The following SPDYA variants were observed in gnomAD, a reference collection of about 807,000 sequenced individuals.
SPDYA encodes speedy/RINGO cell cycle regulator family member A, also known as speedy protein A.
SPDYA carries 11 observed loss-of-function variants against 36.7 expected under a neutral mutation model. The observed-to-expected ratio is 0.30, with a 90% CI of 0.19 to 0.50. SPDYA has a LOEUF of 0.50. Among genes scored for constraint, SPDYA ranks in the 20% least tolerant of loss-of-function variants. SPDYA has a pLI of 0.98. For synonymous variants in SPDYA, 115 were observed against 118.7 expected (o/e 0.97, Z 0.20); for missense variants, 287 against 370.9 (o/e 0.77, Z 1.86).
intron 6 of SPDYA, among the ~76,000 whole-genome samples, chr2:28,832,161 T>G (rs1415680193): frequency 6.6e-6 from 1 of 152,132 alleles, no homozygotes. Context: ...TGTTTGAACC[T>G]GTTATATAAA....
intron 7 of SPDYA, among the ~76,000 whole-genome samples, chr2:28,843,170 A>T (rs1015976162): frequency 1.8e-4 from 28 of 152,212 alleles, no homozygotes; most frequent in African/African-American, 6.8e-4. Flanking sequence ...TTCAAATAAA[A>T]GTTTTAGATA....
Position 28,850,159 on chromosome 2 carries a change from AT to A in SPDYA, c.*223del. On this transcript the variant is annotated 3_prime_UTR_variant, in exon 8 of 8. Coordinates refer to ENST00000334056, the MANE Select transcript of SPDYA (RefSeq NM_182756.4). ...TTTCAATATAAAGTTCTATTTTGAT[AT>A]TTTTCCATCTTCAAGTCAGTTACTG... is the stretch of plus-strand genomic sequence containing the variant. 1.3e-6 allele frequency: 2 copies of A among 1,572,844 alleles called. No individual in the cohort carries two copies. The highest frequency in any genetic ancestry group is 1.8e-5 in the Admixed American group (1 of 56,184).
intron 7 of SPDYA, among the ~76,000 whole-genome samples, chr2:28,845,941 C>T (rs1668862888): frequency 6.6e-6 from 1 of 152,206 alleles, no homozygotes; most frequent in Non-Finnish European, 1.5e-5. Context: ...CTCATAGACA[C>T]CACTAACAGA....
At chr2:28,812,113 T>TAAG (rs1667861624) in intron 1 of SPDYA, among the ~76,000 whole-genome samples, 1 of 152,242 alleles carries the variant, frequency 6.6e-6, no homozygotes, top group Non-Finnish European at 1.5e-5. Context: ...CTTTGGGAAA[T>TAAG]TTCTTAACTT....
intron 5 of SPDYA, 101 bp from the exon 6 acceptor site, chr2:28,829,047 C>T: frequency 1.0e-6 from 1 of 967,150 alleles, no homozygotes; most frequent in Non-Finnish European, 1.5e-6. Flanking sequence ...CGTTGAACAC[C>T]TTTCATGTGT....
intron 6 of SPDYA, among the ~76,000 whole-genome samples, chr2:28,831,594 C>T (rs1359909761): frequency 6.6e-6 from 1 of 152,038 alleles, no homozygotes; most frequent in Non-Finnish European, 1.5e-5. Context: ...TTCTGTAGCA[C>T]TGAATAAAAT....
intron 5 of SPDYA, among the ~76,000 whole-genome samples, chr2:28,823,360 C>T (rs1310836649): frequency 1.3e-5 from 2 of 151,978 alleles, no homozygotes; most frequent in Admixed American, 6.6e-5. Flanking sequence ...CGGTGGCTCA[C>T]GCCTGTAATC....
chr2:28,830,482 C>T (rs1354673214), intron 6 of SPDYA, among the ~76,000 whole-genome samples: 1 of 151,996 alleles, frequency 6.6e-6, no homozygotes, highest in Admixed American at 6.6e-5. Flanking sequence ...GGAGTACAGG[C>T]GTGAGCCACC....
At chr2:28,813,484 T>C (rs1358719767) in intron 1 of SPDYA, among the ~76,000 whole-genome samples, 9 of 152,092 alleles carry the variant, frequency 5.9e-5, no homozygotes, top group Admixed American at 5.9e-4. Flanking sequence ...TTAGCCACGG[T>C]ACTATACCAC....
chr2:28,842,013 C>G (rs1165296838), intron 7 of SPDYA: 1 of 152,040 alleles, frequency 6.6e-6, no homozygotes, highest in Non-Finnish European at 1.5e-5. Flanking sequence ...TATTCACAGC[C>G]AACTTTAGGG....
intron 5 of SPDYA, among the ~76,000 whole-genome samples, chr2:28,823,458 T>C (rs979186602): frequency 6.6e-6 from 1 of 151,272 alleles, no homozygotes; most frequent in East Asian, 2.0e-4. Context: ...AGCCTGTCTC[T>C]ACTAAAAATA....
chr2:28,829,001 T>G (rs1265053057), intron 5 of SPDYA, 147 bp from the exon 6 acceptor site: 3 of 614,386 alleles, frequency 4.9e-6, no homozygotes, highest in Non-Finnish European at 8.2e-6. Flanking sequence ...ATTAACTACA[T>G]GTATCTCTAT....
intron 7 of SPDYA, among the ~76,000 whole-genome samples, chr2:28,844,980 G>A (rs1309575003): frequency 6.6e-6 from 1 of 151,966 alleles, no homozygotes; most frequent in Non-Finnish European, 1.5e-5. Context: ...ATAGAGATGG[G>A]GTCTCACATT....
intron 6 of SPDYA, among the ~76,000 whole-genome samples, chr2:28,829,580 G>T (rs1406161083): frequency 6.6e-6 from 1 of 152,070 alleles, no homozygotes. Context: ...GGCTGAGGCG[G>T]GTGGATCTCC....
chr2:28,849,859 A>G lies in SPDYA; in HGVS notation c.860A>G (p.Asp287Gly). Reference sequence around the variant, plus strand: ...GCATATTTTATTTCAGTAGTCAATGACCATCAATCAAATAAAGGAAAGAAA... The same window carrying G: ...GCATATTTTATTTCAGTAGTCAATGGCCATCAATCAAATAAAGGAAAGAAA... ...QAYTGSEVVN[D>G]HQSNKGKKTN... The change falls in exon 8 of 8, where the codon GAC becomes GGC. Residue 287 changes from aspartate to glycine, a missense_variant. Coordinates refer to ENST00000334056, the MANE Select transcript of SPDYA (RefSeq NM_182756.4). The G allele has an allele frequency of 6.4e-7, 1 of 1,552,126 alleles. No individual in the cohort carries two copies. The highest frequency in any genetic ancestry group is 2.3e-5 in the East Asian group (1 of 44,052).
chr2:28,837,885 T>C (rs1668648329), intron 6 of SPDYA, among the ~76,000 whole-genome samples: 1 of 151,814 alleles, frequency 6.6e-6, no homozygotes. Flanking sequence ...TATATTATAC[T>C]ACCTCTTGAG....
rs908313968 is a variant in SPDYA at position 28,850,002 on chromosome 2, C to G, written c.*61C>G. On this transcript the variant is annotated 3_prime_UTR_variant, in exon 8 of 8. Transcript: ENST00000334056. ...ACAAAATGTCAAACTAACTGCAAGA[C>G]AAGTGTCAAAATGGGATGTTTAAGC... 5.1e-6 allele frequency: 7 copies of G among 1,365,982 alleles called. No individual in the cohort carries two copies. In the Admixed American group the frequency reaches 8.6e-5, roughly 17 times the overall value. 84.6% of individuals were successfully genotyped at this position (1,365,982 alleles called of 1,614,324 possible).
chr2:28,819,882 A>T (rs1225764756), intron 4 of SPDYA, among the ~76,000 whole-genome samples: 4 of 43,406 alleles, frequency 9.2e-5, no homozygotes, highest in Non-Finnish European at 1.4e-4. Flanking sequence ...ATATATATAT[A>T]TATATATATA....
intron 1 of SPDYA, among the ~76,000 whole-genome samples, chr2:28,813,098 C>G (rs1314176635): frequency 6.6e-6 from 1 of 152,174 alleles, no homozygotes; most frequent in African/African-American, 2.4e-5. Flanking sequence ...GATAGCTTCT[C>G]TCCTTCAGCT....
Sources: allele counts gnomAD v4.1 joint callset (sites outside exome capture counted in the v4.1 genomes callset), GRCh38; gene constraint gnomAD v4.1.1; transcripts MANE v1.5; gene names NCBI Gene and HGNC (gene_info 2026-07-23, HGNC 2026-07-21).